Variants in PDE3B observed in about 807,000 individuals in gnomAD.
PDE3B encodes phosphodiesterase 3B.
Under a neutral mutation model 116.8 loss-of-function variants are expected in PDE3B, and 66 were observed. That is an observed-to-expected ratio of 0.56 (90% CI 0.46 to 0.69). PDE3B has a LOEUF of 0.69. Among genes scored for constraint, PDE3B ranks in the 30% least tolerant of loss-of-function variants. PDE3B has a pLI of 0.00. For synonymous variants in PDE3B, 595 were observed against 533.6 expected (o/e 1.12, Z -1.59); for missense variants, 1,384 against 1,368.1 (o/e 1.01, Z -0.18).
intron 1 of PDE3B, among the ~76,000 whole-genome samples, chr11:14,692,724 C>G (rs1235781545): frequency 6.6e-6 from 1 of 152,106 alleles, no homozygotes; most frequent in East Asian, 1.9e-4. Context: ...CTGGCTCTTC[C>G]CCTATCTTTC....
chr11:14,843,670 G>A (rs1847521874), intron 11 of PDE3B, among the ~76,000 whole-genome samples, 157 bp from the exon 12 acceptor site: 1 of 151,994 alleles, frequency 6.6e-6, no homozygotes, highest in South Asian at 2.1e-4. Context: ...TGTTAAATTG[G>A]GAATAATATA....
chr11:14,760,202 G>T (rs1245051848), intron 1 of PDE3B, among the ~76,000 whole-genome samples: 1 of 152,090 alleles, frequency 6.6e-6, no homozygotes, highest in Non-Finnish European at 1.5e-5. Context: ...CCACAAGGTT[G>T]TTTCAAGTTT....
chr11:14,891,799 G>C, the PDE3B span: 1 of 1,411,258 alleles, frequency 7.1e-7, no homozygotes, highest in Non-Finnish European at 9.2e-7. Context: ...CTGCAAGGGG[G>C]CACGGCGTCG....
chr11:14,855,617 A>T (rs1847834674), intron 12 of PDE3B, among the ~76,000 whole-genome samples: 1 of 152,196 alleles, frequency 6.6e-6, no homozygotes, highest in Non-Finnish European at 1.5e-5. Context: ...GTACAGCAAG[A>T]AAATAAATAC....
intron 1 of PDE3B, among the ~76,000 whole-genome samples, chr11:14,652,047 G>A (rs1389424339): frequency 6.6e-6 from 1 of 152,118 alleles, no homozygotes; most frequent in African/African-American, 2.4e-5. Context: ...TCAATGTAAT[G>A]AAGCTCTCAT....
At chr11:14,684,417 A>G (rs1264250568) in intron 1 of PDE3B, among the ~76,000 whole-genome samples, 1 of 152,208 alleles carries the variant, frequency 6.6e-6, no homozygotes, top group Non-Finnish European at 1.5e-5. Context: ...ACAAGATCAC[A>G]TGCTTCAAAG....
intron 12 of PDE3B, among the ~76,000 whole-genome samples, chr11:14,857,862 C>T (rs1555006426): frequency 6.6e-6 from 1 of 152,152 alleles, no homozygotes. Context: ...ATAGTTAAGT[C>T]CTTGTCACAT....
intron 12 of PDE3B, among the ~76,000 whole-genome samples, chr11:14,858,674 C>G (rs546880233): frequency 6.6e-6 from 1 of 152,250 alleles, no homozygotes; most frequent in African/African-American, 2.4e-5. Flanking sequence ...CTCTAGATCC[C>G]TAATGACTTT....
the PDE3B span, among the ~76,000 whole-genome samples, chr11:14,879,952 T>C: frequency 6.6e-6 from 1 of 151,906 alleles, no homozygotes; most frequent in Non-Finnish European, 1.5e-5. Context: ...CTTTCAGAGA[T>C]TTTTTTTACA....
chr11:14,650,112 T>A (rs2133746208), intron 1 of PDE3B, among the ~76,000 whole-genome samples: 1 of 152,212 alleles, frequency 6.6e-6, no homozygotes, highest in Admixed American at 6.5e-5. Context: ...ACCTAGCAGA[T>A]AACTTTACAG....
chr11:14,762,391 T>C (rs147618293), intron 1 of PDE3B, among the ~76,000 whole-genome samples: 3 of 152,342 alleles, frequency 2.0e-5, no homozygotes, highest in African/African-American at 7.2e-5. Flanking sequence ...AGTGTTGTAC[T>C]GTTATTTCCT....
chr11:14,858,067 CACTT>C (rs1555006452), intron 12 of PDE3B, among the ~76,000 whole-genome samples: 1 of 152,116 alleles, frequency 6.6e-6, no homozygotes, highest in Non-Finnish European at 1.5e-5. Context: ...AAAAAATAAT[CACTT>C]AGTGTTATGC....
rs543639103 is a variant in PDE3B, at chr11:14,696,118, C to A, written c.978+51065C>A. Among the ~76,000 whole-genome samples the A allele has an allele frequency of 3.5e-4, 53 of 152,308 alleles. No homozygotes were observed. The South Asian group carries it at 6.6e-3, about 19-fold the overall frequency. Reference sequence around the variant, plus strand: ...CACAATGGTTGAACTAATTTACATTCTCATCAACCATGTAAAAGTGTTCCT... The same window carrying A: ...CACAATGGTTGAACTAATTTACATTATCATCAACCATGTAAAAGTGTTCCT... On this transcript the variant is annotated intron_variant, in intron 1 of 15. Coordinates refer to ENST00000282096, the MANE Select transcript of PDE3B (RefSeq NM_000922.4).
chr11:14,676,338 CTA>C (rs931020393), intron 1 of PDE3B, among the ~76,000 whole-genome samples: 2 of 152,126 alleles, frequency 1.3e-5, no homozygotes, highest in Admixed American at 1.3e-4. Flanking sequence ...CACACCTAGG[CTA>C]TATGTTATAG....
chr11:14,889,616 T>C, the PDE3B span, among the ~76,000 whole-genome samples: 1 of 152,186 alleles, frequency 6.6e-6, no homozygotes, highest in African/African-American at 2.4e-5. Context: ...TAAAGAACCA[T>C]GGTTCCCTCA....
At chr11:14,803,394 A>G (rs897696339) in intron 4 of PDE3B, among the ~76,000 whole-genome samples, 1 of 152,214 alleles carries the variant, frequency 6.6e-6, no homozygotes, top group Non-Finnish European at 1.5e-5. Flanking sequence ...GGGAACAGAA[A>G]AAAATGAAAA....
chr11:14,660,304 C>CTT (rs761213939), intron 1 of PDE3B, among the ~76,000 whole-genome samples: 10 of 140,588 alleles, frequency 7.1e-5, no homozygotes, highest in Non-Finnish European at 9.4e-5. Context: ...TTCTAATATT[C>CTT]TTTTTTTTTT....
intron 1 of PDE3B, among the ~76,000 whole-genome samples, chr11:14,715,972 A>G (rs1199476671): frequency 6.6e-6 from 1 of 152,208 alleles, no homozygotes; most frequent in East Asian, 1.9e-4. Context: ...TGAGCGACGC[A>G]GAAGACAGGT....
At chr11:14,841,984 A>AT (rs5789851) in intron 11 of PDE3B, among the ~76,000 whole-genome samples, 18,878 of 150,962 alleles carry the variant, frequency 0.13, 1,332 homozygotes, top group African/African-American at 0.19. Context: ...TAAAAATGTC[A>AT]TTTTTTTTGT....
Sources: gnomAD v4.1 joint callset for allele counts (sites outside exome capture counted in the v4.1 genomes callset) on GRCh38, gnomAD v4.1.1 for gene constraint, MANE v1.5 for transcripts, NCBI Gene and HGNC (gene_info 2026-07-23, HGNC 2026-07-21) for gene names.